The following SOX30 variants were observed in gnomAD, a reference collection of about 807,000 sequenced individuals.
SOX30 encodes the protein transcription factor SOX-30.
SOX30 carries 17 observed loss-of-function variants against 58.6 expected under a neutral mutation model. That is an observed-to-expected ratio of 0.29 (90% confidence interval 0.20 to 0.44). The LOEUF (loss-of-function observed/expected upper bound fraction) is 0.44. Among genes scored for constraint, SOX30 ranks in the 20% least tolerant of loss-of-function variants. The probability of loss-of-function intolerance (pLI) is 1.00; values close to 1 mark genes in which losing one functional copy is unlikely to be tolerated. For synonymous variants in SOX30, 421 were observed against 400.2 expected, an observed-to-expected ratio of 1.05 and a Z score of -0.62; for missense variants, 951 against 965.8, an observed-to-expected ratio of 0.98 and a Z score of 0.20.
chr5:157,640,623 T>C (rs1396756895), intron 3 of SOX30, among the ~76,000 whole-genome samples: 1 of 152,152 alleles, frequency 6.6e-6, no homozygotes, highest in East Asian at 1.9e-4. Flanking sequence ...CTCAAGGGAA[T>C]TAACTCTATC....
intron 4 of SOX30, among the ~76,000 whole-genome samples, chr5:157,634,729 C>T (rs937713984): frequency 1.3e-5 from 2 of 152,072 alleles, no homozygotes; most frequent in South Asian, 2.1e-4. Flanking sequence ...TTCACTGCAA[C>T]CTCTGCCTCC....
intron 3 of SOX30, among the ~76,000 whole-genome samples, chr5:157,639,073 A>T (rs949973818): frequency 2.0e-5 from 3 of 152,224 alleles, no homozygotes; most frequent in African/African-American, 7.2e-5. Context: ...AAACAAATGA[A>T]TAAAATTATT....
At chr5:157,628,766 C>T (rs766438494) in intron 4 of SOX30, among the ~76,000 whole-genome samples, 3 of 151,806 alleles carry the variant, frequency 2.0e-5, no homozygotes, top group African/African-American at 4.8e-5. Context: ...CTCAGCCTAC[C>T]GAGTAGCTAG....
intron 2 of SOX30, among the ~76,000 whole-genome samples, chr5:157,664,134 A>G (rs1759624563): frequency 1.3e-5 from 2 of 151,268 alleles, no homozygotes; most frequent in Non-Finnish European, 2.9e-5. Context: ...CCGCATTGCC[A>G]AGACAATCCT....
chr5:157,633,607 G>A (rs1561579477), intron 4 of SOX30, among the ~76,000 whole-genome samples: 1 of 152,190 alleles, frequency 6.6e-6, no homozygotes, highest in Non-Finnish European at 1.5e-5. Context: ...GTATATGTAT[G>A]CAGATATGCA....
At chr5:157,652,878 T>C (rs2113852260), upstream of SOX30, among the ~76,000 whole-genome samples, 1 of 152,320 alleles carries the variant, frequency 6.6e-6, no homozygotes, top group African/African-American at 2.4e-5. Flanking sequence ...CAGCTGCCAG[T>C]GATCTTTCGA....
At chr5:157,632,474 C>T (rs369853113) in intron 4 of SOX30, among the ~76,000 whole-genome samples, 1 of 152,094 alleles carries the variant, frequency 6.6e-6, no homozygotes, top group East Asian at 1.9e-4. Flanking sequence ...ATTAGCTGGA[C>T]GTGGTGGTGG....
intron 2 of SOX30, among the ~76,000 whole-genome samples, chr5:157,663,566 C>T (rs1759613874): frequency 2.6e-5 from 4 of 152,148 alleles, no homozygotes. Flanking sequence ...CCTCTCTCAC[C>T]ACTCCTATTC....
Position 157,638,597 on chromosome 5 carries a change from A to G in SOX30, c.1513T>C (p.Tyr505His), listed in dbSNP as rs773254878. The G allele has an allele frequency of 6.2e-6, 10 of 1,614,166 alleles. No individual in the cohort carries two copies. In the East Asian group the frequency reaches 6.7e-5, roughly 11 times the overall value. ...AAGCGTTGGGGTGGGAGTGCTGGAT[A>G]GACAGGTAGACTTGGATCCTGGACA... ...VAVQDPSLPVYPALPPQRFTG... is the reference protein window; with the variant it reads ...VAVQDPSLPVHPALPPQRFTG... Residue 505 changes from tyrosine to histidine, a missense_variant, in exon 4 of 5, where the codon TAT becomes CAT. Tyr to His is a moderately conservative substitution (Grantham distance 83, BLOSUM62 2). This residue lies in a region of SOX30 where 381 missense variants were observed against 390.0 expected (regional missense o/e 0.98). Coordinates refer to ENST00000265007, the MANE Select transcript of SOX30 (RefSeq NM_178424.2).
chr5:157,666,478 GACACAC>G (rs375835461), intron 2 of SOX30, among the ~76,000 whole-genome samples: 38,720 of 132,270 alleles, frequency 0.29, 5,397 homozygotes, highest in Middle Eastern at 0.38. Context: ...TAGTCCAGTA[GACACAC>G]ACACACACAC....
intron 2 of SOX30, among the ~76,000 whole-genome samples, chr5:157,647,666 T>C (rs773229035): frequency 1.3e-5 from 2 of 152,074 alleles, no homozygotes; most frequent in Non-Finnish European, 2.9e-5. Context: ...GCCATTCTCC[T>C]GCCTGAGCCT....
chr5:157,668,196 T>A (rs1759706195), intron 1 of SOX30, among the ~76,000 whole-genome samples: 1 of 152,190 alleles, frequency 6.6e-6, no homozygotes, highest in Admixed American at 6.5e-5. Flanking sequence ...CACTGACTCT[T>A]CTCCTACGGC....
chr5:157,665,974 C>T (rs1463063339), intron 2 of SOX30, among the ~76,000 whole-genome samples: 4 of 146,896 alleles, frequency 2.7e-5, no homozygotes, highest in East Asian at 3.9e-4. Flanking sequence ...GATTTGATCT[C>T]GGCTCAAATT....
chr5:157,663,159 T>C (rs1400848707), intron 2 of SOX30, among the ~76,000 whole-genome samples: 1 of 152,148 alleles, frequency 6.6e-6, no homozygotes, highest in Non-Finnish European at 1.5e-5. Context: ...AAAAAGAGAA[T>C]TTTAGACCAA....
intron 1 of SOX30, 114 bp from the exon 2 acceptor site, chr5:157,649,010 A>G: frequency 7.3e-7 from 1 of 1,363,048 alleles, no homozygotes; most frequent in Non-Finnish European, 9.8e-7. Flanking sequence ...TGGAGGAAAT[A>G]TACACTTCAA....
chr5:157,655,235 C>T (rs183525583), upstream of SOX30, among the ~76,000 whole-genome samples: 238 of 152,192 alleles, frequency 1.6e-3, no homozygotes, highest in African/African-American at 4.4e-3. Flanking sequence ...TGGTGGGGTC[C>T]GGTAACATCT....
intron 2 of SOX30, among the ~76,000 whole-genome samples, chr5:157,667,176 C>T (rs967988978): frequency 2.0e-5 from 3 of 152,048 alleles, no homozygotes; most frequent in African/African-American, 7.2e-5. Flanking sequence ...AGGGATGGGA[C>T]GTAGGAGTCC....
intron 3 of SOX30, among the ~76,000 whole-genome samples, chr5:157,646,157 G>A (rs528368393): frequency 1.3e-5 from 2 of 152,250 alleles, no homozygotes; most frequent in East Asian, 3.9e-4. Context: ...GACATTTAGA[G>A]AGATTAATAT....
intron 3 of SOX30, among the ~76,000 whole-genome samples, chr5:157,642,692 C>T (rs952723289): frequency 6.6e-6 from 1 of 151,360 alleles, no homozygotes; most frequent in Non-Finnish European, 1.5e-5. Context: ...AACAACAAAA[C>T]CTTCAAAAGC....
Sources: gnomAD v4.1 joint callset for allele counts (sites outside exome capture counted in the v4.1 genomes callset) on GRCh38, gnomAD v4.1.1 for gene constraint, gnomAD v4.1.1 regional missense constraint, MANE v1.5 for transcripts, NCBI Gene and HGNC (gene_info 2026-07-23, HGNC 2026-07-21) for gene names.